The following TTLL9 variants were observed in gnomAD, a reference collection of about 807,000 sequenced individuals.
TTLL9 encodes the protein probable tubulin polyglutamylase TTLL9.
In TTLL9, 47 loss-of-function variants were observed where a neutral mutation model predicts 65.6. That is an observed-to-expected ratio of 0.72 (90% confidence interval 0.57 to 0.91). TTLL9 has a LOEUF of 0.91. Ranked by LOEUF, TTLL9 falls within the 40% of genes least tolerant of loss-of-function variation. TTLL9 has a pLI of 0.00. For synonymous variants in TTLL9, 179 were observed against 204.8 expected, an observed-to-expected ratio of 0.87 and a Z score of 1.07; for missense variants, 537 against 568.8, an observed-to-expected ratio of 0.94 and a Z score of 0.57.
chr20:31,926,924 G>C (rs2063914989), intron 10 of TTLL9, among the ~76,000 whole-genome samples: 2 of 151,838 alleles, frequency 1.3e-5, no homozygotes, highest in African/African-American at 4.8e-5. Context: ...GGGCAACATA[G>C]TGAGATCCTG....
chr20:31,922,941 T>C (rs1238225532), intron 7 of TTLL9, 22 bp from the exon 8 acceptor site: 1 of 1,481,066 alleles, frequency 6.8e-7, no homozygotes, highest in African/African-American at 1.4e-5. Flanking sequence ...AAATGTTCAA[T>C]TATTATTATT....
chr20:31,905,948 G>A (rs749496708), intron 4 of TTLL9, among the ~76,000 whole-genome samples: 12 of 149,228 alleles, frequency 8.0e-5, no homozygotes, highest in Non-Finnish European at 1.5e-4. Flanking sequence ...GAGGAGAATC[G>A]CTTGAACCCG....
At chr20:31,910,566 T>C (rs953972587) in intron 6 of TTLL9, among the ~76,000 whole-genome samples, 1 of 152,212 alleles carries the variant, frequency 6.6e-6, no homozygotes, top group Non-Finnish European at 1.5e-5. Context: ...ATACTACTGA[T>C]ACACTTACTA....
At chr20:31,876,009 A>G (rs2063033412) in intron 2 of TTLL9, among the ~76,000 whole-genome samples, 1 of 152,248 alleles carries the variant, frequency 6.6e-6, no homozygotes. Flanking sequence ...ATACTTTTAT[A>G]TGTGTTTATA....
intron 4 of TTLL9, among the ~76,000 whole-genome samples, chr20:31,907,629 G>A (rs1192001286): frequency 6.6e-6 from 1 of 151,172 alleles, no homozygotes; most frequent in Non-Finnish European, 1.5e-5. Context: ...GCTGAGGAAG[G>A]AAAATCGCTT....
chr20:31,919,172 T>A (rs1203384472), intron 6 of TTLL9, among the ~76,000 whole-genome samples: 3 of 152,212 alleles, frequency 2.0e-5, no homozygotes, highest in Non-Finnish European at 4.4e-5. Context: ...GACTGGCCAG[T>A]CTTAGCTCAA....
chr20:31,892,270 C>T (rs867117049), intron 3 of TTLL9, among the ~76,000 whole-genome samples: 7 of 151,674 alleles, frequency 4.6e-5, no homozygotes, highest in African/African-American at 1.7e-4. Flanking sequence ...AACTCTGCCT[C>T]CTGGGTTCAA....
chr20:31,897,710 C>T (rs1043269306), intron 3 of TTLL9, among the ~76,000 whole-genome samples: 17 of 151,970 alleles, frequency 1.1e-4, no homozygotes, highest in African/African-American at 4.1e-4. Context: ...CTGACAGCAC[C>T]GAGCGGGGGT....
chr20:31,919,446 A>G (rs1409021382), intron 6 of TTLL9, among the ~76,000 whole-genome samples: 1 of 152,216 alleles, frequency 6.6e-6, no homozygotes, highest in African/African-American at 2.4e-5. Context: ...CTCAGCCCCT[A>G]GACTGTGTGA....
At position 31,919,893 on chromosome 20, in the gene TTLL9, C is replaced by T. The variant is rs1334223892; in HGVS notation, c.534C>T (p.Phe178=). The stretch of plus-strand genomic sequence containing the variant: ...CCCGGTCTCAAGGGAAAGGCATCTT[C>T]CTCTTCCGTAGGCTGAAGGACATCG... ...PVARSQGKGI[F]LFRRLKDIVD... The change falls in exon 7 of 15, where the codon TTC becomes TTT. Residue 178 remains phenylalanine, a synonymous_variant. Coordinates refer to ENST00000535842, the MANE Select transcript of TTLL9 (RefSeq NM_001008409.5). 2 of 1,592,858 alleles carry T rather than the reference C, an allele frequency of 1.3e-6. No homozygotes were observed. The highest frequency in any genetic ancestry group is 1.7e-6 in the Non-Finnish European group (2 of 1,170,352).
chr20:31,923,128 A>G (rs1454344530), intron 8 of TTLL9, 75 bp downstream of exon 8: 9 of 1,208,084 alleles, frequency 7.4e-6, no homozygotes, highest in Non-Finnish European at 9.8e-6. Flanking sequence ...TTTGACCAGC[A>G]GCCTGCCAAG....
At chr20:31,871,086 C>T (rs1190065266) in intron 1 of TTLL9, 36 bp from the exon 2 acceptor site, 1 of 1,590,540 alleles carries the variant, frequency 6.3e-7, no homozygotes, top group East Asian at 2.2e-5. Context: ...TTCATCCATC[C>T]TCTCACTCCT....
At chr20:31,886,529 G>A (rs2063190259) in intron 2 of TTLL9, among the ~76,000 whole-genome samples, 1 of 152,148 alleles carries the variant, frequency 6.6e-6, no homozygotes, top group African/African-American at 2.4e-5. Flanking sequence ...AGAGTAAAAA[G>A]TCCAGATCAG....
chr20:31,872,626 G>T (rs979676866), intron 2 of TTLL9, among the ~76,000 whole-genome samples: 1 of 152,194 alleles, frequency 6.6e-6, no homozygotes, highest in Non-Finnish European at 1.5e-5. Context: ...AGGCGGTGGA[G>T]GCTGCAGTGA....
intron 2 of TTLL9, among the ~76,000 whole-genome samples, chr20:31,885,716 C>G (rs2063179400): frequency 6.6e-6 from 1 of 152,156 alleles, no homozygotes; most frequent in Non-Finnish European, 1.5e-5. Context: ...CAGATGGGCC[C>G]CAAGATTCCC....
intron 6 of TTLL9, among the ~76,000 whole-genome samples, chr20:31,918,134 CT>C (rs912936243): frequency 6.6e-6 from 1 of 152,122 alleles, no homozygotes; most frequent in South Asian, 2.1e-4. Context: ...ACCCAAGAGA[CT>C]TTCCCCCCAC....
At chr20:31,905,383 G>A (rs192758898) in intron 4 of TTLL9, among the ~76,000 whole-genome samples, 34 of 152,202 alleles carry the variant, frequency 2.2e-4, no homozygotes, top group Admixed American at 2.1e-3. Flanking sequence ...CCAGCACACG[G>A]CCACTTCTCC....
At chr20:31,889,153 A>G (rs1426640265) in intron 3 of TTLL9, among the ~76,000 whole-genome samples, 4 of 152,242 alleles carry the variant, frequency 2.6e-5, no homozygotes, top group East Asian at 1.9e-4. Context: ...GAGAAAACTC[A>G]TAATAGTAGC....
Position 31,870,674 on chromosome 20 carries a change from TTGGGGCCGCG to T in TTLL9, c.-271_-262del, listed in dbSNP as rs1035444425. On this transcript the variant is annotated 5_prime_UTR_variant, in exon 1 of 15. Transcript: ENST00000535842. This position sits in a 1 kb window ranked among gnomAD's most constrained non-coding sequence, Gnocchi z 6.6. ...CGGCCCGCGGGACAACGGCAGTTTG[TTGGGGCCGCG>T]TGGGGCCGCCACCTCCGGAGGTGGG... is the stretch of plus-strand genomic sequence containing the variant. 5.7e-5 allele frequency: 66 copies of T among 1,162,108 alleles called. No individual in the cohort carries two copies. Among genetic ancestry groups the T allele is most frequent in the Admixed American group, 3.5e-4 (9 of 25,766 alleles). 72.0% of individuals were successfully genotyped at this position (1,162,108 alleles called of 1,614,324 possible).
Sources: gnomAD v4.1 joint callset for allele counts (sites outside exome capture counted in the v4.1 genomes callset) on GRCh38, gnomAD v4.1.1 for gene constraint, Gnocchi (gnomAD v3.1) non-coding constraint, MANE v1.5 for transcripts, NCBI Gene and HGNC (gene_info 2026-07-23, HGNC 2026-07-21) for gene names.